Variants in BAIAP2 observed in about 807,000 individuals in gnomAD.
BAIAP2 encodes BAR/IMD domain-containing adapter protein 2.
In BAIAP2, 18 loss-of-function variants were observed where a neutral mutation model predicts 63.0. The ratio of observed to expected loss-of-function variants is 0.29; its 90% CI spans 0.20 to 0.42. BAIAP2 has a LOEUF of 0.42. Among genes scored for constraint, BAIAP2 ranks in the 10% least tolerant of loss-of-function variants. BAIAP2 has a pLI of 1.00. For missense variants in BAIAP2, 610 were observed against 734.3 expected, an observed-to-expected ratio of 0.83 and a Z score of 1.96; for synonymous variants, 386 against 307.6, an observed-to-expected ratio of 1.25 and a Z score of -2.67.
chr17:81,066,577 C>T (rs1432455722), intron 3 of BAIAP2, among the ~76,000 whole-genome samples: 1 of 152,234 alleles, frequency 6.6e-6, no homozygotes, highest in African/African-American at 2.4e-5. Context: ...CACTGAGTGG[C>T]TCCCTCCGTG....
chr17:81,052,266 C>G (rs1386402339), intron 1 of BAIAP2, among the ~76,000 whole-genome samples: 1 of 152,228 alleles, frequency 6.6e-6, no homozygotes, highest in African/African-American at 2.4e-5. Context: ...CACGCCTATC[C>G]CACTTCTGCG....
intron 13 of BAIAP2, chr17:81,110,333 G>T: frequency 1.7e-5 from 17 of 986,428 alleles, no homozygotes; most frequent in Non-Finnish European, 1.8e-5. Context: ...CTCCGCTAAA[G>T]ATTTCAAATC....
chr17:81,095,783 G>A (rs943573071), intron 6 of BAIAP2, among the ~76,000 whole-genome samples: 1 of 152,134 alleles, frequency 6.6e-6, no homozygotes, highest in Admixed American at 6.5e-5. Context: ...GGTTTCTCTT[G>A]TGACCTGTGT....
chr17:81,073,607 C>T (rs1467808258), intron 3 of BAIAP2, among the ~76,000 whole-genome samples: 2 of 152,170 alleles, frequency 1.3e-5, no homozygotes, highest in African/African-American at 2.4e-5. Context: ...ACGATCTGCA[C>T]AGATCTGCCT....
chr17:81,074,557 GC>G (rs755072469), intron 3 of BAIAP2, among the ~76,000 whole-genome samples: 44 of 151,536 alleles, frequency 2.9e-4, no homozygotes, highest in Non-Finnish European at 5.4e-4. Context: ...ATGTGTGAGT[GC>G]CTGTTCGTGT....
At chr17:81,036,827 G>C in intron 1 of BAIAP2, 1 of 1,495,038 alleles carries the variant, frequency 6.7e-7, no homozygotes. Context: ...TAAATTATTA[G>C]TCATTAGCTC....
chr17:81,105,072 TGGCTCGGGTCTCCCCCCAGC>T (rs2058987384), intron 10 of BAIAP2: 2 of 198,470 alleles, frequency 1.0e-5, no homozygotes, highest in Non-Finnish European at 2.1e-5. Flanking sequence ...CTCCCCCCAA[TGGCTCGGGTCTCCCCCCAGC>T]GGCAGGGGTC....
intron 6 of BAIAP2, among the ~76,000 whole-genome samples, chr17:81,087,249 A>G (rs1231332642): frequency 6.6e-6 from 1 of 152,196 alleles, no homozygotes; most frequent in African/African-American, 2.4e-5. Context: ...TCACCCAGGT[A>G]GAAGCTTCTG....
At position 81,104,848 on chromosome 17, in the gene BAIAP2, C is replaced by G. The variant is rs1031821218; in HGVS notation, c.1268+133C>G. 4.1e-6 allele frequency: 4 copies of G among 981,124 alleles called. No individual in the cohort carries two copies. In the African/African-American group the frequency reaches 6.6e-5, roughly 16 times the overall value. The allele number at this position is 981,124 out of a possible 1,614,324, so 60.8% of individuals were successfully genotyped here. A position where few individuals can be genotyped will look rare whatever the true frequency, so the allele number is the denominator to read the frequency against. The stretch of plus-strand genomic sequence containing the variant: ...GTTGCGGGTCCTCGCCGTAGAAGAC[C>G]TGGGCAGTGAGAGCAAGCGTGACCT... On this transcript the variant is annotated intron_variant, in intron 10 of 13. Coordinates refer to ENST00000428708, the MANE Select transcript of BAIAP2 (RefSeq NM_001144888.2).
At chr17:81,098,451 C>T (rs909594802) in intron 6 of BAIAP2, among the ~76,000 whole-genome samples, 4 of 151,914 alleles carry the variant, frequency 2.6e-5, no homozygotes, top group South Asian at 2.1e-4. Context: ...ATAAAATACA[C>T]GTAACTAATA....
At chr17:81,075,890 G>A (rs202162262) in intron 3 of BAIAP2, among the ~76,000 whole-genome samples, 3 of 152,212 alleles carry the variant, frequency 2.0e-5, no homozygotes, top group African/African-American at 7.2e-5. Context: ...GTCCTGGCAC[G>A]GAGGTTCTGC....
intron 1 of BAIAP2, among the ~76,000 whole-genome samples, chr17:81,041,756 GA>G (rs2047109871): frequency 1.3e-5 from 2 of 151,988 alleles, no homozygotes; most frequent in South Asian, 4.1e-4. Context: ...ATATTTAGTA[GA>G]GGTGGGATTT....
intron 6 of BAIAP2, among the ~76,000 whole-genome samples, chr17:81,098,387 T>C (rs2057999300): frequency 2.0e-5 from 3 of 152,064 alleles, no homozygotes; most frequent in Admixed American, 2.0e-4. Context: ...TACAGTTTCT[T>C]GGTCTGGCTT....
chr17:81,045,792 A>G (rs2047715641), intron 1 of BAIAP2, among the ~76,000 whole-genome samples: 1 of 152,026 alleles, frequency 6.6e-6, no homozygotes, highest in African/African-American at 2.4e-5. Flanking sequence ...CATCTGTCTG[A>G]TCTGAGTGGC....
chr17:81,037,567 T>A (rs1481520730), intron 1 of BAIAP2, among the ~76,000 whole-genome samples: 1 of 152,354 alleles, frequency 6.6e-6, no homozygotes, highest in Admixed American at 6.5e-5. Context: ...AGGCCACCGG[T>A]GTGCACTCCT....
chr17:81,054,365 G>T (rs1004376210), intron 2 of BAIAP2, among the ~76,000 whole-genome samples: 3 of 152,198 alleles, frequency 2.0e-5, no homozygotes, highest in African/African-American at 7.2e-5. Context: ...TCCTGAGCTG[G>T]CAGATGGACT....
At chr17:81,085,575 C>G (rs553479624) in intron 4 of BAIAP2, 79 bp from the exon 5 acceptor site, 1 of 1,254,260 alleles carries the variant, frequency 8.0e-7, no homozygotes, top group Non-Finnish European at 1.2e-6. Context: ...CGTGCCCATC[C>G]GCTCTAGCCC....
intron 6 of BAIAP2, among the ~76,000 whole-genome samples, chr17:81,090,003 G>T (rs2056437426): frequency 6.6e-6 from 1 of 152,164 alleles, no homozygotes; most frequent in East Asian, 1.9e-4. Context: ...CAGGTCCCAG[G>T]GGCCCTGCTG....
At chr17:81,059,241 T>G (rs1241669743) in intron 3 of BAIAP2, among the ~76,000 whole-genome samples, 4 of 152,120 alleles carry the variant, frequency 2.6e-5, no homozygotes, top group Non-Finnish European at 5.9e-5. Context: ...GCTGACAGAC[T>G]GGGGAGGAGA....
Sources: gnomAD v4.1 joint callset for allele counts (sites outside exome capture counted in the v4.1 genomes callset) on GRCh38, gnomAD v4.1.1 for gene constraint, MANE v1.5 for transcripts, NCBI Gene and HGNC (gene_info 2026-07-23, HGNC 2026-07-21) for gene names.